The following PRMT8 variants were observed in gnomAD, a reference collection of about 807,000 sequenced individuals.
The protein encoded by PRMT8 is protein arginine N-methyltransferase 8.
A neutral mutation model predicts 47.1 loss-of-function variants in PRMT8; 7 were observed. The observed-to-expected ratio is 0.15, with a 90% CI of 0.08 to 0.28. The LOEUF is 0.28. Among genes scored for constraint, PRMT8 ranks in the 10% least tolerant of loss-of-function variants. The pLI is 1.00. For missense variants in PRMT8, 237 were observed against 505.4 expected (o/e 0.47, Z 5.09); for synonymous variants, 188 against 186.5 (o/e 1.01, Z -0.07).
chr12:3,556,465 C>T lies in PRMT8; in HGVS notation c.481+2751C>T, dbSNP rs1038490832. On this transcript the variant is annotated intron_variant, in intron 4 of 9. Transcript: ENST00000382622. Reference sequence around the variant, plus strand: ...GTAGGGAATGTGGAGGGATCTGGTCCGGTAAGAACAGAGAAGTGACCACCA... The same window carrying T: ...GTAGGGAATGTGGAGGGATCTGGTCTGGTAAGAACAGAGAAGTGACCACCA... Among the ~76,000 whole-genome samples the T allele has an allele frequency of 4.6e-5, 7 of 151,998 alleles. No homozygotes were observed. The South Asian group carries it at 1.2e-3, about 27-fold the overall frequency.
rs117184125 is a variant in PRMT8, at chr12:3,532,970, G to A, written c.76-7636G>A. Among the ~76,000 whole-genome samples the A allele has an allele frequency of 2.6e-3, 398 of 152,286 alleles. 7 individuals are homozygous for A. The East Asian group carries it at 0.057, about 22-fold the overall frequency. On this transcript the variant is annotated intron_variant, in intron 1 of 9. Coordinates refer to ENST00000382622, the MANE Select transcript of PRMT8 (RefSeq NM_019854.5). ...CTGGGAGGCCTCCCAGAGTGGGAGG[G>A]TGGAGACTGAGAGCAGTGGGCAGCA...
At chr12:3,481,087 T>G (rs1420806700) in intron 1 of PRMT8, among the ~76,000 whole-genome samples, 2 of 152,190 alleles carry the variant, frequency 1.3e-5, no homozygotes, top group Admixed American at 6.5e-5. Flanking sequence ...CGCTACTATC[T>G]GCCTGACCAA....
intron 1 of PRMT8, among the ~76,000 whole-genome samples, chr12:3,393,064 T>G (rs1864211357): frequency 6.6e-6 from 1 of 151,994 alleles, no homozygotes; most frequent in South Asian, 2.1e-4. Context: ...GGGTTGTTTG[T>G]TTTTTTTCTT....
chr12:3,391,883 A>T (rs1052614902), intron 1 of PRMT8, among the ~76,000 whole-genome samples: 1 of 152,200 alleles, frequency 6.6e-6, no homozygotes, highest in African/African-American at 2.4e-5. Context: ...AGGGCAGATA[A>T]ATGCACTCTG....
chr12:3,530,634 G>A, intron 1 of PRMT8, among the ~76,000 whole-genome samples: 1 of 152,162 alleles, frequency 6.6e-6, no homozygotes, highest in Non-Finnish European at 1.5e-5. Flanking sequence ...AGAGGACGAA[G>A]GGCAGAACCA....
chr12:3,554,650 G>A (rs1485309028), intron 4 of PRMT8, among the ~76,000 whole-genome samples: 1 of 152,184 alleles, frequency 6.6e-6, no homozygotes, highest in Non-Finnish European at 1.5e-5. Flanking sequence ...TGGGAGGGAA[G>A]GACGTTCCCT....
intron 1 of PRMT8, among the ~76,000 whole-genome samples, chr12:3,505,134 A>C (rs1865599700): frequency 1.3e-5 from 2 of 149,800 alleles, no homozygotes; most frequent in Non-Finnish European, 3.0e-5. Flanking sequence ...CCGGTACCTC[A>C]GATGGAAATG....
intron 1 of PRMT8, among the ~76,000 whole-genome samples, chr12:3,412,421 TA>T (rs1271220135): frequency 6.6e-6 from 1 of 152,224 alleles, no homozygotes; most frequent in Admixed American, 6.5e-5. Context: ...ATTAAGTTTA[TA>T]AAAAATGTTT....
chr12:3,458,365 C>T (rs142853207), intron 1 of PRMT8, among the ~76,000 whole-genome samples: 2 of 152,304 alleles, frequency 1.3e-5, no homozygotes, highest in African/African-American at 4.8e-5. Flanking sequence ...TGCTGATGGG[C>T]ACAGAGCTGT....
intron 6 of PRMT8, among the ~76,000 whole-genome samples, chr12:3,574,380 A>G (rs1866902606): frequency 6.6e-6 from 1 of 152,254 alleles, no homozygotes; most frequent in Non-Finnish European, 1.5e-5. Flanking sequence ...TGGCTCTCAA[A>G]TCTGGAGATT....
intron 1 of PRMT8, among the ~76,000 whole-genome samples, chr12:3,402,315 A>G (rs1864325776): frequency 6.6e-6 from 1 of 152,264 alleles, no homozygotes; most frequent in South Asian, 2.1e-4. Flanking sequence ...CGTCATATAC[A>G]AAAATTAACT....
intron 1 of PRMT8, among the ~76,000 whole-genome samples, chr12:3,475,999 CT>C (rs1302433706): frequency 6.6e-6 from 1 of 152,188 alleles, no homozygotes; most frequent in African/African-American, 2.4e-5. Context: ...TAGCATTGGG[CT>C]GGAAACTCAG....
chr12:3,516,758 C>T (rs1865797703), intron 1 of PRMT8, among the ~76,000 whole-genome samples: 1 of 152,146 alleles, frequency 6.6e-6, no homozygotes, highest in Non-Finnish European at 1.5e-5. Flanking sequence ...TAGGCCCCTG[C>T]TTCGATAGCC....
At chr12:3,465,164 A>T (rs1454527535) in intron 1 of PRMT8, among the ~76,000 whole-genome samples, 5 of 143,984 alleles carry the variant, frequency 3.5e-5, no homozygotes, top group African/African-American at 2.5e-5. Context: ...TTTATAAAAA[A>T]ATATATATTT....
chr12:3,556,715 T>C (rs1400578634), intron 4 of PRMT8, among the ~76,000 whole-genome samples: 1 of 152,180 alleles, frequency 6.6e-6, no homozygotes, highest in Non-Finnish European at 1.5e-5. Flanking sequence ...TGTGATTCAC[T>C]GGTGTAGTAG....
chr12:3,481,730 G>A (rs181389058), intron 1 of PRMT8, among the ~76,000 whole-genome samples: 21 of 152,264 alleles, frequency 1.4e-4, no homozygotes, highest in African/African-American at 5.1e-4. Context: ...TGGTGGCGGG[G>A]AGCTTTGTCT....
At chr12:3,418,940 G>A (rs1864510581) in intron 1 of PRMT8, among the ~76,000 whole-genome samples, 1 of 152,180 alleles carries the variant, frequency 6.6e-6, no homozygotes, top group Admixed American at 6.5e-5. Context: ...GATATTTTGA[G>A]GGCTAAATTT....
chr12:3,485,018 A>AG (rs1467946369), intron 1 of PRMT8, among the ~76,000 whole-genome samples: 1 of 152,214 alleles, frequency 6.6e-6, no homozygotes, highest in Non-Finnish European at 1.5e-5. Flanking sequence ...AGGAAAGGAA[A>AG]GAGAGGGTGC....
intron 1 of PRMT8, among the ~76,000 whole-genome samples, chr12:3,461,334 A>G (rs890164947): frequency 1.8e-4 from 28 of 152,308 alleles, no homozygotes; most frequent in African/African-American, 6.7e-4. Context: ...AGAGATGGAA[A>G]AGTGAGGCTA....
Sources: allele counts gnomAD v4.1 joint callset (sites outside exome capture counted in the v4.1 genomes callset), GRCh38; gene constraint gnomAD v4.1.1; transcripts MANE v1.5; gene names NCBI Gene and HGNC (gene_info 2026-07-23, HGNC 2026-07-21).